The following C9 variants were observed in gnomAD, a reference collection of about 807,000 sequenced individuals.
C9 encodes the protein complement component C9.
C9 carries 63 observed loss-of-function variants against 65.4 expected under a neutral mutation model. The ratio of observed to expected loss-of-function variants is 0.96; its 90% CI spans 0.79 to 1.19. The LOEUF is 1.19. Among genes scored for constraint, C9 ranks in the 50% most tolerant of loss-of-function variants. The probability of loss-of-function intolerance (pLI) is 0.00; values close to 1 mark genes in which losing one functional copy is unlikely to be tolerated. For synonymous variants in C9, 229 were observed against 227.9 expected (o/e 1.00, Z -0.04); for missense variants, 744 against 670.1 (o/e 1.11, Z -1.22).
At chr5:39,299,562 G>T (rs372474757) in intron 9 of C9, among the ~76,000 whole-genome samples, 2 of 152,096 alleles carry the variant, frequency 1.3e-5, no homozygotes, top group South Asian at 4.1e-4. Context: ...GAATGTGGAT[G>T]GATCTCAAAT....
chr5:39,334,746 G>A (rs897341039), intron 4 of C9, among the ~76,000 whole-genome samples: 2 of 150,376 alleles, frequency 1.3e-5, no homozygotes, highest in African/African-American at 2.5e-5. Flanking sequence ...GGTGAGGGGC[G>A]CCTCTGCCCG....
intron 1 of C9, among the ~76,000 whole-genome samples, chr5:39,349,827 A>G (rs148626431): frequency 1.2e-3 from 185 of 151,314 alleles, no homozygotes; most frequent in Non-Finnish European, 2.2e-3. Flanking sequence ...TCTGCCTGGT[A>G]CTCCTACTCT....
At chr5:39,307,357 T>C in intron 8 of C9, among the ~76,000 whole-genome samples, 1 of 152,204 alleles carries the variant, frequency 6.6e-6, no homozygotes, top group East Asian at 1.9e-4. Flanking sequence ...AATTTCAAGA[T>C]AATTTTTGTC....
chr5:39,340,944 GGGCA>G, intron 4 of C9, 198 bp downstream of exon 4: 1 of 641,812 alleles, frequency 1.6e-6, no homozygotes, highest in Non-Finnish European at 2.8e-6. Context: ...CCCCTACTGA[GGGCA>G]GGCAATTTGT....
intron 9 of C9, among the ~76,000 whole-genome samples, chr5:39,303,650 C>G (rs1472782104): frequency 6.6e-6 from 1 of 151,712 alleles, no homozygotes; most frequent in Non-Finnish European, 1.5e-5. Flanking sequence ...AACAGCAGGT[C>G]CCAGAATGTT....
rs147788629 is a variant in C9, at chr5:39,343,941, A to G, written c.78-1745T>C. Among the ~76,000 whole-genome samples, 760 of 145,688 alleles carry G rather than the reference A, an allele frequency of 5.2e-3. 9 individuals are homozygous for G. The highest frequency in any genetic ancestry group is 0.02 in the African/African-American group (725 of 36,800). ...CTGGAGTGGACCTCTGGCAAACTCCAACACACCTGCAGCTGAGGATCATGA... is the reference window on the plus strand; with the variant it reads ...CTGGAGTGGACCTCTGGCAAACTCCGACACACCTGCAGCTGAGGATCATGA... On this transcript the variant is annotated intron_variant, in intron 1 of 10. Coordinates refer to ENST00000263408, the MANE Select transcript of C9 (RefSeq NM_001737.5).
intron 9 of C9, among the ~76,000 whole-genome samples, chr5:39,305,092 T>C (rs1753351057): frequency 6.6e-6 from 1 of 152,160 alleles, no homozygotes; most frequent in Non-Finnish European, 1.5e-5. Flanking sequence ...TCACCCATTT[T>C]TTTTCTTATT....
At chr5:39,306,586 T>A in intron 9 of C9, 31 bp downstream of exon 9, 1 of 1,545,858 alleles carries the variant, frequency 6.5e-7, no homozygotes, top group African/African-American at 1.4e-5. Context: ...AATGACACAG[T>A]CTTCTGTTTG....
intron 1 of C9, among the ~76,000 whole-genome samples, chr5:39,345,264 T>C (rs13188434): frequency 0.29 from 43,700 of 152,086 alleles, 7,090 homozygotes; most frequent in Non-Finnish European, 0.36. Flanking sequence ...CAGTGTGCTG[T>C]ATTCAGGAGA....
rs904108457 is a variant in C9 at position 39,326,999 on chromosome 5, T to C, written c.615+4677A>G. On this transcript the variant is annotated intron_variant, in intron 5 of 10. Coordinates refer to ENST00000263408, the MANE Select transcript of C9 (RefSeq NM_001737.5). The stretch of plus-strand genomic sequence containing the variant: ...AGTATACAATATAGTTTTTCAGTAT[T>C]CTGTGGTAAATAAAAGGGTGAGATA... Among the ~76,000 whole-genome samples, 5 of 152,298 alleles carry C rather than the reference T, an allele frequency of 3.3e-5. 1 individual carries two copies. In the South Asian group the frequency reaches 1.0e-3, roughly 32 times the overall value.
At chr5:39,354,867 A>T (rs1650730605) in intron 1 of C9, among the ~76,000 whole-genome samples, 1 of 152,196 alleles carries the variant, frequency 6.6e-6, no homozygotes, top group South Asian at 2.1e-4. Flanking sequence ...GAAATATGAG[A>T]CAAGATGCTA....
chr5:39,340,461 A>G (rs989582017), intron 4 of C9, among the ~76,000 whole-genome samples: 15 of 152,198 alleles, frequency 9.9e-5, no homozygotes, highest in Admixed American at 9.8e-4. Flanking sequence ...CTGACTATGT[A>G]TGGAACAGAA....
intron 5 of C9, 58 bp downstream of exon 5, chr5:39,331,618 A>G: frequency 6.7e-7 from 1 of 1,496,804 alleles, no homozygotes; most frequent in East Asian, 2.3e-5. Flanking sequence ...TACTAAACTT[A>G]TTTAAGCAAT....
intron 8 of C9, among the ~76,000 whole-genome samples, chr5:39,307,512 T>C (rs1753403162): frequency 6.6e-6 from 1 of 152,178 alleles, no homozygotes; most frequent in Non-Finnish European, 1.5e-5. Flanking sequence ...TACTTCATCA[T>C]TGGTTTTTCA....
chr5:39,329,398 G>A (rs888495866), intron 5 of C9, among the ~76,000 whole-genome samples: 2 of 152,114 alleles, frequency 1.3e-5, no homozygotes, highest in Non-Finnish European at 2.9e-5. Context: ...ATCTCCATGA[G>A]GTAGGCATTA....
At chr5:39,295,898 T>C (rs1753177781) in intron 9 of C9, among the ~76,000 whole-genome samples, 1 of 151,678 alleles carries the variant, frequency 6.6e-6, no homozygotes, top group Non-Finnish European at 1.5e-5. Flanking sequence ...AGTCAACTAA[T>C]TTTTGACAAA....
chr5:39,356,513 C>T (rs1044518903), intron 1 of C9, among the ~76,000 whole-genome samples: 1 of 152,228 alleles, frequency 6.6e-6, no homozygotes, highest in Non-Finnish European at 1.5e-5. Context: ...CAGCCTGACG[C>T]TTGCCTGGAC....
At chr5:39,355,929 A>G (rs1168865086) in intron 1 of C9, among the ~76,000 whole-genome samples, 2 of 152,156 alleles carry the variant, frequency 1.3e-5, no homozygotes. Context: ...TAATGACCTC[A>G]TTTTAACTTA....
At chr5:39,335,634 TATCAGGGACTTGAGC>T (rs1415545678) in intron 4 of C9, among the ~76,000 whole-genome samples, 10 of 152,224 alleles carry the variant, frequency 6.6e-5, no homozygotes, top group African/African-American at 2.4e-4. Context: ...TGTCATTTTA[TATCAGGGACTTGAGC>T]ATCCTGAAAG....
Sources: allele counts gnomAD v4.1 joint callset (sites outside exome capture counted in the v4.1 genomes callset), GRCh38; gene constraint gnomAD v4.1.1; transcripts MANE v1.5; gene names NCBI Gene and HGNC (gene_info 2026-07-23, HGNC 2026-07-21).